Variants in ZFHX3 observed in about 807,000 individuals in gnomAD.
ZFHX3 encodes the protein zinc finger homeobox protein 3.
Under a neutral mutation model 279.1 loss-of-function variants are expected in ZFHX3, and 42 were observed. That is an observed-to-expected ratio of 0.15 (90% CI 0.12 to 0.19). The LOEUF (loss-of-function observed/expected upper bound fraction) is 0.19, where lower values mean the gene tolerates loss of function less well. ZFHX3 is among the 10% of genes least tolerant of loss of function. ZFHX3 has a pLI of 1.00. For synonymous variants in ZFHX3, 2,293 were observed against 1,957.8 expected, an observed-to-expected ratio of 1.17 and a Z score of -4.52; for missense variants, 4,981 against 4,754.0, an observed-to-expected ratio of 1.05 and a Z score of -1.40.
chr16:72,828,599 A>T (rs2036988418), intron 5 of ZFHX3, among the ~76,000 whole-genome samples: 1 of 152,128 alleles, frequency 6.6e-6, no homozygotes, highest in South Asian at 2.1e-4. Flanking sequence ...ACCCTGGGGG[A>T]GGGGGAGGAC....
chr16:73,209,470 A>G (rs2011931805), intron 5 of ZFHX3, among the ~76,000 whole-genome samples: 2 of 152,140 alleles, frequency 1.3e-5, no homozygotes, highest in Non-Finnish European at 2.9e-5. Flanking sequence ...GCATCCTTTT[A>G]TAGAGGAGAG....
chr16:73,390,743 C>A (rs548739984), intron 3 of ZFHX3, among the ~76,000 whole-genome samples: 1 of 152,142 alleles, frequency 6.6e-6, no homozygotes, highest in Non-Finnish European at 1.5e-5. Flanking sequence ...GGACCCTTTT[C>A]TTTCATCAAT....
intron 7 of ZFHX3, among the ~76,000 whole-genome samples, chr16:73,099,849 C>T (rs543767383): frequency 1.1e-4 from 16 of 152,040 alleles, no homozygotes; most frequent in Admixed American, 3.9e-4. Context: ...ATCGAGTCTA[C>T]CATATGCATC....
intron 1 of ZFHX3, among the ~76,000 whole-genome samples, chr16:73,872,560 C>T (rs1341379605): frequency 6.6e-6 from 1 of 151,638 alleles, no homozygotes; most frequent in Non-Finnish European, 1.5e-5. Flanking sequence ...TATCAGGAAA[C>T]AAAGCTCATT....
chr16:73,431,454 T>A (rs1288411112), intron 3 of ZFHX3, among the ~76,000 whole-genome samples: 1 of 152,106 alleles, frequency 6.6e-6, no homozygotes, highest in Non-Finnish European at 1.5e-5. Context: ...GGCGGCAGAA[T>A]CACTTGAACC....
intron 7 of ZFHX3, among the ~76,000 whole-genome samples, chr16:73,107,179 G>A: frequency 6.6e-6 from 1 of 152,020 alleles, no homozygotes; most frequent in East Asian, 1.9e-4. Flanking sequence ...GTGTGGTGGT[G>A]TGCACCTGTA....
chr16:73,009,310 AATTCTGTATATTATGTTACC>A (rs1963830514), intron 1 of ZFHX3, among the ~76,000 whole-genome samples: 1 of 152,178 alleles, frequency 6.6e-6, no homozygotes, highest in African/African-American at 2.4e-5. Flanking sequence ...GCAACTGGGA[AATTCTGTATATTATGTTACC>A]ATATAATGAA....
chr16:73,255,931 T>C (rs2013650210), intron 5 of ZFHX3, among the ~76,000 whole-genome samples: 1 of 152,136 alleles, frequency 6.6e-6, no homozygotes, highest in Non-Finnish European at 1.5e-5. Context: ...GAGTCTGCCG[T>C]CTTGGTTGCA....
intron 3 of ZFHX3, among the ~76,000 whole-genome samples, chr16:73,343,860 A>C (rs2016079089): frequency 6.6e-6 from 1 of 152,222 alleles, no homozygotes; most frequent in Admixed American, 6.5e-5. Context: ...ATGAATTCCT[A>C]CTAATATAAA....
intron 2 of ZFHX3, among the ~76,000 whole-genome samples, chr16:73,481,479 G>A (rs2018865029): frequency 6.6e-6 from 1 of 152,102 alleles, no homozygotes; most frequent in Admixed American, 6.5e-5. Flanking sequence ...CTATTGCTCA[G>A]GTGGAGTGCA....
intron 2 of ZFHX3, among the ~76,000 whole-genome samples, chr16:73,509,829 G>A (rs563424638): frequency 2.0e-5 from 3 of 152,008 alleles, no homozygotes; most frequent in Non-Finnish European, 4.4e-5. Flanking sequence ...CCGAGTAGCT[G>A]GGATCATAGG....
At chr16:72,944,247 T>G (rs902341327) in intron 3 of ZFHX3, among the ~76,000 whole-genome samples, 1 of 152,176 alleles carries the variant, frequency 6.6e-6, no homozygotes, top group African/African-American at 2.4e-5. Flanking sequence ...ATCACGCCAC[T>G]GCACTCCCAT....
chr16:73,218,633 G>T (rs951106605), intron 5 of ZFHX3, among the ~76,000 whole-genome samples: 1 of 152,088 alleles, frequency 6.6e-6, no homozygotes, highest in African/African-American at 2.4e-5. Flanking sequence ...GCTGGGTGTG[G>T]TGGTGTGCAC....
At chr16:72,968,636 T>C (rs1195238202) in intron 1 of ZFHX3, among the ~76,000 whole-genome samples, 2 of 152,004 alleles carry the variant, frequency 1.3e-5, no homozygotes, top group Non-Finnish European at 2.9e-5. Context: ...AATTTTTTCA[T>C]ATTTTTAATA....
Position 72,796,378 on chromosome 16 carries a change from T to C in ZFHX3, c.6304A>G (p.Met2102Val). 1 of 1,613,574 alleles carries C rather than the reference T, an allele frequency of 6.2e-7. No homozygotes were observed. Among genetic ancestry groups the C allele is most frequent in the African/African-American group, 1.3e-5 (1 of 74,980 alleles). The change falls in exon 9 of 10, where the codon ATG (methionine) becomes GTG (valine). Residue 2102 changes from methionine (M) to valine (V), a missense_variant. Around this residue, in one of 7 missense-constraint regions of ZFHX3, gnomAD observed 1,751 missense variants for 1,770.0 expected, o/e 0.99. Transcript: ENST00000268489. ...MELPIFSPLM[M>V]QTMPLQTLPA... The stretch of plus-strand genomic sequence containing the variant: ...AAGGTCTGCAGCGGCATCGTCTGCA[T>C]CATCAGCGGCGAGAAGATGGGCAGC...
At chr16:73,362,788 G>A (rs2143316537) in intron 3 of ZFHX3, among the ~76,000 whole-genome samples, 1 of 152,348 alleles carries the variant, frequency 6.6e-6, no homozygotes, top group South Asian at 2.1e-4. Flanking sequence ...AAATTAGGGG[G>A]AGGGCAGATA....
At chr16:73,757,996 A>G (rs1335580729) in intron 1 of ZFHX3, among the ~76,000 whole-genome samples, 2 of 152,240 alleles carry the variant, frequency 1.3e-5, no homozygotes, top group African/African-American at 4.8e-5. Flanking sequence ...TAAGTTTCAA[A>G]TACCCCAGGT....
At position 72,960,079 on chromosome 16, in the gene ZFHX3, G is replaced by A. The variant is rs1418596751; in HGVS notation, c.67C>T (p.Gln23Ter). 1.2e-6 allele frequency: 2 copies of A among 1,613,590 alleles called. No individual in the cohort carries two copies. Among genetic ancestry groups the A allele is most frequent in the Non-Finnish European group, 1.7e-6 (2 of 1,179,768 alleles). ...TGGGTGCTGTTGAGTTCAGTCCATT[G>A]CTGGTGCTGAGGGATACCGCACCCA... is the stretch of plus-strand genomic sequence containing the variant. ...DNGCGIPQHQ[Q>*]WTELNSTHLP... The change falls in exon 2 of 10, where the codon CAA becomes TAA. Residue 23 changes from glutamine to a stop codon, truncating the protein, a stop_gained. Coordinates refer to ENST00000268489, the MANE Select transcript of ZFHX3 (RefSeq NM_006885.4). LOFTEE classifies it high-confidence loss of function.
chr16:73,595,672 A>G (rs2052041400), intron 2 of ZFHX3, among the ~76,000 whole-genome samples: 1 of 152,222 alleles, frequency 6.6e-6, no homozygotes, highest in South Asian at 2.1e-4. Flanking sequence ...ACTGATACCC[A>G]AATTTGTGTC....
Sources: allele counts gnomAD v4.1 joint callset (sites outside exome capture counted in the v4.1 genomes callset), GRCh38; gene constraint gnomAD v4.1.1; regional missense constraint gnomAD v4.1.1; transcripts MANE v1.5; gene names NCBI Gene and HGNC (gene_info 2026-07-23, HGNC 2026-07-21).